Variants in RPS29 observed in about 807,000 individuals in gnomAD.
The protein encoded by RPS29 is ribosomal protein S29.
For synonymous variants in RPS29, 37 were observed against 26.9 expected (o/e 1.37, Z -1.16); for missense variants, 60 against 75.7 (o/e 0.79, Z 0.77).
upstream of RPS29, chr14:49,586,883 A>C (rs768079078): frequency 2.5e-5 from 4 of 159,448 alleles, no homozygotes; most frequent in Non-Finnish European, 5.6e-5. Flanking sequence ...GTCTCTTTTG[A>C]ACAATAAATA....
At chr14:49,591,210 GTCTT>G (rs1334619338), upstream of RPS29, among the ~76,000 whole-genome samples, 3 of 152,100 alleles carry the variant, frequency 2.0e-5, no homozygotes, top group Non-Finnish European at 2.9e-5. Flanking sequence ...TCAAAAGTAA[GTCTT>G]TCTCCAACCC....
chr14:49,573,762 GTCTGAATATGTCA>G (rs1881113291), exon 3 of RPS29: 1 of 152,144 alleles, frequency 6.6e-6, no homozygotes, highest in Non-Finnish European at 1.5e-5. Flanking sequence ...TTTTGTGGTT[GTCTGAATATGTCA>G]TCTGTGCTAG....
At chr14:49,598,520 TCCGCG>T (rs763514842) in exon 1 of RPS29, 2 of 702,322 alleles carry the variant, frequency 2.8e-6, no homozygotes, top group South Asian at 1.5e-5. Context: ...CAGCAGCCCG[TCCGCG>T]CCGGGAAATG....
intron 1 of RPS29, among the ~76,000 whole-genome samples, chr14:49,595,066 T>C (rs1306335995): frequency 1.3e-5 from 2 of 152,206 alleles, no homozygotes; most frequent in Non-Finnish European, 2.9e-5. Context: ...TCTTCCCATT[T>C]CTGAATAAAT....
exon 3 of RPS29, chr14:49,573,156 A>G (rs1881098380): frequency 6.6e-5 from 10 of 151,720 alleles, no homozygotes; most frequent in Admixed American, 6.6e-4. Context: ...GAAAGAGATT[A>G]CCAAAAGAAA....
chr14:49,580,212 C>T (rs1244283588), downstream of RPS29, among the ~76,000 whole-genome samples: 2 of 152,186 alleles, frequency 1.3e-5, no homozygotes, highest in Non-Finnish European at 2.9e-5. Flanking sequence ...CCCTTTTTGA[C>T]CTAACTCACC....
intron 1 of RPS29, among the ~76,000 whole-genome samples, chr14:49,596,162 G>A (rs151259623): frequency 1.3e-5 from 2 of 152,166 alleles, no homozygotes; most frequent in Admixed American, 1.3e-4. Context: ...AGCGGAAACT[G>A]AACTGGGATT....
chr14:49,583,761 T>C (rs891948975), intron 2 of RPS29, 86 bp from the exon 3 acceptor site: 1 of 856,184 alleles, frequency 1.2e-6, no homozygotes, highest in African/African-American at 1.7e-5. Flanking sequence ...TTATAGAATG[T>C]TATAGAATTA....
chr14:49,586,590 G>A (rs1373409178), upstream of RPS29: 4 of 534,252 alleles, frequency 7.5e-6, no homozygotes, highest in African/African-American at 1.9e-5. Context: ...GCCGGGCGCG[G>A]TGGCGCGTGC....
chr14:49,598,286 G>A, intron 1 of RPS29: 1 of 597,510 alleles, frequency 1.7e-6, no homozygotes, highest in African/African-American at 1.9e-5. Context: ...CCCCAGCCGG[G>A]CCCCGTCCTA....
intron 2 of RPS29, among the ~76,000 whole-genome samples, chr14:49,578,496 CTT>C (rs891279472): frequency 1.5e-4 from 22 of 148,032 alleles, no homozygotes; most frequent in African/African-American, 5.2e-4. Context: ...CAATTTTTCA[CTT>C]TTTATAAAAA....
At chr14:49,590,764 C>G (rs1881693961), upstream of RPS29, among the ~76,000 whole-genome samples, 1 of 151,490 alleles carries the variant, frequency 6.6e-6, no homozygotes, top group Non-Finnish European at 1.5e-5. Flanking sequence ...CATCTCGGCT[C>G]ACTGCAACCT....
At chr14:49,577,737 T>G (rs1452898445) in exon 3 of RPS29, 1 of 1,151,380 alleles carries the variant, frequency 8.7e-7, no homozygotes, top group African/African-American at 1.5e-5. Flanking sequence ...TGGTTCCCAG[T>G]GAACTTGGTG....
downstream of RPS29, among the ~76,000 whole-genome samples, chr14:49,581,852 G>A (rs531867543): frequency 1.3e-4 from 19 of 151,704 alleles, no homozygotes; most frequent in East Asian, 2.1e-3. Flanking sequence ...AACAAACCCC[G>A]TCTCTACTAA....
chr14:49,596,165 C>G (rs921446903), intron 1 of RPS29, among the ~76,000 whole-genome samples: 5 of 152,064 alleles, frequency 3.3e-5, no homozygotes, highest in Non-Finnish European at 7.4e-5. Flanking sequence ...GGAAACTGAA[C>G]TGGGATTTGA....
exon 3 of RPS29, chr14:49,575,776 G>T: frequency 6.6e-6 from 1 of 152,178 alleles, no homozygotes; most frequent in East Asian, 1.9e-4. Context: ...CTTGAGCCCA[G>T]GAGGTTGAGG....
At chr14:49,578,898 A>G (rs1445408591), downstream of RPS29, among the ~76,000 whole-genome samples, 1 of 152,132 alleles carries the variant, frequency 6.6e-6, no homozygotes, top group Non-Finnish European at 1.5e-5. Context: ...TTTAGTGGTA[A>G]GAGCAGTTTT....
exon 3 of RPS29, chr14:49,571,940 ATTGTT>A (rs911302077): frequency 6.6e-6 from 1 of 152,022 alleles, no homozygotes; most frequent in East Asian, 1.9e-4. Flanking sequence ...CCTACGTTTT[ATTGTT>A]TTATTTTATT....
chr14:49,577,496 C>T, exon 3 of RPS29: 2 of 509,508 alleles, frequency 3.9e-6, no homozygotes, highest in Admixed American at 2.7e-5. Flanking sequence ...GAAGAAACAT[C>T]ATGAGTGATC....
Sources: gnomAD v4.1 joint callset for allele counts (sites outside exome capture counted in the v4.1 genomes callset) on GRCh38, gnomAD v4.1.1 for gene constraint, MANE v1.5 for transcripts, NCBI Gene and HGNC (gene_info 2026-07-23, HGNC 2026-07-21) for gene names.